Variants in ATP1A2 observed in about 807,000 individuals in gnomAD.
The protein encoded by ATP1A2 is ATPase Na+/K+ transporting subunit alpha 2.
ATP1A2 carries 56 observed loss-of-function variants against 113.1 expected under a neutral mutation model. The ratio of observed to expected loss-of-function variants is 0.49; its 90% CI spans 0.40 to 0.62. ATP1A2 has a LOEUF of 0.62. ATP1A2 is among the 20% of genes least tolerant of loss of function. ATP1A2 has a pLI of 0.00. For missense variants in ATP1A2, 712 were observed against 1,357.8 expected (o/e 0.52, Z 7.47); for synonymous variants, 490 against 526.8 (o/e 0.93, Z 0.96).
intron 7 of ATP1A2, among the ~76,000 whole-genome samples, chr1:160,126,340 G>A (rs1651586906): frequency 6.6e-6 from 1 of 151,904 alleles, no homozygotes; most frequent in Non-Finnish European, 1.5e-5. Flanking sequence ...TTTTATTGTT[G>A]TATTGTTATT....
Position 160,135,051 on chromosome 1 carries a change from G to A in ATP1A2, c.1965-94G>A, listed in dbSNP as rs746045307. On this transcript the variant is annotated intron_variant, in intron 14 of 22. Transcript: ENST00000361216. The surrounding 1 kb of genome is among the most constrained non-coding windows in gnomAD (Gnocchi z 6.3). ...ACAGGGGAAGCAGGCTCAGCAGGGA[G>A]CCTGCAGGCTGCGGTGGTGAAGAGA... 2 of 1,533,778 alleles carry A rather than the reference G, an allele frequency of 1.3e-6. No individual in the cohort carries two copies. Among genetic ancestry groups the A allele is most frequent in the Non-Finnish European group, 1.8e-6 (2 of 1,115,542 alleles).
intron 20 of ATP1A2, among the ~76,000 whole-genome samples, chr1:160,138,015 A>G (rs1178008598): frequency 1.3e-5 from 2 of 152,202 alleles, no homozygotes; most frequent in African/African-American, 2.4e-5. Flanking sequence ...AATTGGGTAT[A>G]ATTCTGGGGC....
At chr1:160,132,469 A>G (rs1651803847) in intron 13 of ATP1A2, among the ~76,000 whole-genome samples, 1 of 152,162 alleles carries the variant, frequency 6.6e-6, no homozygotes, top group Non-Finnish European at 1.5e-5. Flanking sequence ...CAGGCAAAGA[A>G]TGATGACCTG....
rs576477998 is a variant in ATP1A2 at position 160,128,438 on chromosome 1, C to T, written c.1018-214C>T. ...GGCCCTCTCTGGAGCTCTAGTCAAA[C>T]GTCTTAAACCCCCTAATGGGCATTT... On this transcript the variant is annotated intron_variant, in intron 8 of 22. Coordinates refer to ENST00000361216, the MANE Select transcript of ATP1A2 (RefSeq NM_000702.4). 36 of 1,428,528 alleles carry T rather than the reference C, an allele frequency of 2.5e-5. No individual in the cohort carries two copies. The South Asian group carries it at 2.6e-4, about 10-fold the overall frequency. The allele number at this position is 1,428,528 out of a possible 1,614,324, so 88.5% of individuals were successfully genotyped here. A position where few individuals can be genotyped will look rare whatever the true frequency, so the allele number is the denominator to read the frequency against.
intron 19 of ATP1A2, 63 bp from the exon 20 acceptor site, chr1:160,136,838 C>A: frequency 1.2e-6 from 2 of 1,614,156 alleles, no homozygotes; most frequent in Non-Finnish European, 1.7e-6. Flanking sequence ...AGAAACCATG[C>A]TACCTTCTGG....
At chr1:160,140,030 C>A (rs1430789451) in intron 22 of ATP1A2, 46 bp downstream of exon 22, 4 of 1,576,014 alleles carry the variant, frequency 2.5e-6, no homozygotes, top group East Asian at 4.5e-5. Context: ...GCCCCACCAC[C>A]AGCTCCTCCC....
intron 13 of ATP1A2, among the ~76,000 whole-genome samples, chr1:160,134,119 C>A (rs1436170802): frequency 6.9e-6 from 1 of 144,980 alleles, no homozygotes; most frequent in Admixed American, 6.9e-5. Flanking sequence ...CACAAATCCC[C>A]ACCCCACATA....
intron 13 of ATP1A2, among the ~76,000 whole-genome samples, chr1:160,131,741 G>A (rs1041450511): frequency 1.2e-4 from 18 of 151,832 alleles, no homozygotes; most frequent in South Asian, 6.2e-4. Flanking sequence ...TGAGGCAGGA[G>A]AATCACTTGA....
intron 13 of ATP1A2, among the ~76,000 whole-genome samples, 196 bp downstream of exon 13, chr1:160,130,793 G>A (rs1651748180): frequency 6.6e-6 from 1 of 152,208 alleles, no homozygotes; most frequent in South Asian, 2.1e-4. Context: ...TGCTCAGAGA[G>A]GCCAGTGTCC....
In ATP1A2 at chr1:160,143,036, T is replaced by A. The variant is rs552155751; in HGVS notation, c.*1714T>A. 1 of 152,176 alleles carries A rather than the reference T, an allele frequency of 6.6e-6. No homozygotes were observed. The highest frequency in any genetic ancestry group is 1.5e-5 in the Non-Finnish European group (1 of 68,042). The allele number at this position is 152,176 out of a possible 1,614,324, so 9.4% of individuals were successfully genotyped here. ...GGCTTAGAAGGCACTGGGAATGTCCTGTAGAGAGAGACCTAGATAGGTCAT... is the reference window on the plus strand; with the variant it reads ...GGCTTAGAAGGCACTGGGAATGTCCAGTAGAGAGAGACCTAGATAGGTCAT... On this transcript the variant is annotated 3_prime_UTR_variant, in exon 23 of 23. Coordinates refer to ENST00000361216, the MANE Select transcript of ATP1A2 (RefSeq NM_000702.4).
chr1:160,130,006 C>A, intron 11 of ATP1A2, 96 bp from the exon 12 acceptor site: 1 of 1,473,354 alleles, frequency 6.8e-7, no homozygotes. Flanking sequence ...TGGGTTGGGG[C>A]TACTTTTCTA....
intron 13 of ATP1A2, among the ~76,000 whole-genome samples, chr1:160,132,191 G>T (rs16831393): frequency 0.021 from 3,169 of 152,314 alleles, 115 homozygotes; most frequent in African/African-American, 0.073. Flanking sequence ...GTACCCTGGC[G>T]TGGCTAGACT....
chr1:160,130,232 T>C lies in ATP1A2; in HGVS notation c.1592T>C (p.Met531Thr). ...QGKEIPLDKE[M>T]QDAFQNAYME... is the part of the protein sequence containing the mutation. ...AAGGAGATCCCGCTCGACAAGGAGA[T>C]GCAAGATGCCTTTCAAAATGCCTAC... Residue 531 changes from methionine (M) to threonine (T), a missense_variant, in exon 12 of 23, where the codon ATG (methionine) becomes ACG (threonine). By Grantham distance (81) the Met-to-Thr change is moderately conservative. Coordinates refer to ENST00000361216, the MANE Select transcript of ATP1A2 (RefSeq NM_000702.4). 1 of 1,614,202 alleles carries C rather than the reference T, an allele frequency of 6.2e-7. No homozygotes were observed. Among genetic ancestry groups the C allele is most frequent in the South Asian group, 1.1e-5 (1 of 91,084 alleles).
intron 1 of ATP1A2, among the ~76,000 whole-genome samples, chr1:160,118,967 C>T (rs1163333826): frequency 2.0e-5 from 3 of 151,946 alleles, no homozygotes; most frequent in African/African-American, 7.3e-5. Context: ...GGCGGATACA[C>T]GTCAGTATAC....
rs889352949 is a variant in ATP1A2 at position 160,135,648 on chromosome 1, C to A, written c.2284+46C>A. 5 of 1,612,452 alleles carry A rather than the reference C, an allele frequency of 3.1e-6. No homozygotes were observed. The highest frequency in any genetic ancestry group is 4.2e-6 in the Non-Finnish European group (5 of 1,179,960). ...GGGATGGTTTGCAGGATACTGAAGCCGGCACCTCTGTTCCCTGTCCCTTTA... is the reference window on the plus strand; with the variant it reads ...GGGATGGTTTGCAGGATACTGAAGCAGGCACCTCTGTTCCCTGTCCCTTTA... On this transcript the variant is annotated intron_variant, in intron 16 of 22. Transcript: ENST00000361216. This position sits in a 1 kb window ranked among gnomAD's most constrained non-coding sequence, Gnocchi z 6.3.
Position 160,127,724 on chromosome 1 carries a change from C to A in ATP1A2, c.921C>A (p.Leu307=), listed in dbSNP as rs574945904. ...TCCTGGGGGTCTCCTTCTTCGTGCTCTCCCTCATCCTGGGCTACAGCTGGC... is the reference window on the plus strand; with the variant it reads ...TCCTGGGGGTCTCCTTCTTCGTGCTATCCCTCATCCTGGGCTACAGCTGGC... ...AVFLGVSFFV[L]SLILGYSWLE... is the part of the protein sequence containing the mutation. Residue 307 remains leucine, a synonymous_variant, in exon 8 of 23, where the codon CTC becomes CTA. Coordinates refer to ENST00000361216, the MANE Select transcript of ATP1A2 (RefSeq NM_000702.4). 37 of 1,614,254 alleles carry A rather than the reference C, an allele frequency of 2.3e-5. No individual in the cohort carries two copies. In the South Asian group the frequency reaches 4.0e-4, roughly 17 times the overall value.
At chr1:160,125,506 A>G in intron 7 of ATP1A2, 1 of 520,578 alleles carries the variant, frequency 1.9e-6, no homozygotes, top group South Asian at 2.1e-5. Flanking sequence ...GACTGAGTGG[A>G]TTTCAAAGCT....
Position 160,135,388 on chromosome 1 carries a change from G to A in ATP1A2, c.2116-46G>A, listed in dbSNP as rs567218052. 6.2e-7 allele frequency: 1 copy of A among 1,614,200 alleles called. No homozygotes were observed. The highest frequency in any genetic ancestry group is 2.2e-5 in the East Asian group (1 of 44,890). On this transcript the variant is annotated intron_variant, in intron 15 of 22. Coordinates refer to ENST00000361216, the MANE Select transcript of ATP1A2 (RefSeq NM_000702.4). This position sits in a 1 kb window ranked among gnomAD's most constrained non-coding sequence, Gnocchi z 6.3. ...CATGGAGTGAGAGGCGAGGAGCCAG[G>A]CTTGGGAAGGGGTTTCGTCCTCAAG...
At chr1:160,126,396 T>C (rs946965683) in intron 7 of ATP1A2, among the ~76,000 whole-genome samples, 1 of 152,220 alleles carries the variant, frequency 6.6e-6, no homozygotes, top group African/African-American at 2.4e-5. Context: ...GTTGAATCTA[T>C]GGACATGGAA....
Sources: allele counts gnomAD v4.1 joint callset (sites outside exome capture counted in the v4.1 genomes callset), GRCh38; gene constraint gnomAD v4.1.1; non-coding constraint Gnocchi (gnomAD v3.1); transcripts MANE v1.5; gene names NCBI Gene and HGNC (gene_info 2026-07-23, HGNC 2026-07-21).